The following DLGAP2 variants were observed in gnomAD, a reference collection of about 807,000 sequenced individuals.
DLGAP2 encodes disks large-associated protein 2.
A neutral mutation model predicts 100.3 loss-of-function variants in DLGAP2; 26 were observed. The ratio of observed to expected loss-of-function variants is 0.26; its 90% confidence interval spans 0.19 to 0.36. The LOEUF (loss-of-function observed/expected upper bound fraction) is 0.36. DLGAP2 is among the 10% of genes least tolerant of loss of function. The probability of loss-of-function intolerance (pLI) is 1.00; values close to 1 mark genes in which losing one functional copy is unlikely to be tolerated. For missense variants in DLGAP2, 1,858 were observed against 1,453.2 expected, an observed-to-expected ratio of 1.28 and a Z score of -4.53; for synonymous variants, 886 against 630.1, an observed-to-expected ratio of 1.41 and a Z score of -6.08.
intron 8 of DLGAP2, among the ~76,000 whole-genome samples, chr8:1,647,913 C>T (rs1333356246): frequency 6.6e-6 from 1 of 152,074 alleles, no homozygotes; most frequent in African/African-American, 2.4e-5. Context: ...GTGGAAAAAG[C>T]GTAAGGAAGT....
At chr8:1,125,151 G>A (rs1468899105) in intron 2 of DLGAP2, among the ~76,000 whole-genome samples, 3 of 152,138 alleles carry the variant, frequency 2.0e-5, no homozygotes, top group South Asian at 2.1e-4. Flanking sequence ...ATATTTCCCC[G>A]CTAGGATGCA....
At chr8:1,190,934 C>G (rs896483926) in intron 2 of DLGAP2, among the ~76,000 whole-genome samples, 1 of 152,118 alleles carries the variant, frequency 6.6e-6, no homozygotes, top group Non-Finnish European at 1.5e-5. Context: ...GGAAGCCGTC[C>G]CATGGTGCGA....
At chr8:1,256,390 GGT>G (rs1799217726) in intron 2 of DLGAP2, among the ~76,000 whole-genome samples, 1 of 146,110 alleles carries the variant, frequency 6.8e-6, no homozygotes, top group African/African-American at 2.6e-5. Flanking sequence ...ATCCTGCCTG[GGT>G]GCTGTGTGTG....
intron 6 of DLGAP2, among the ~76,000 whole-genome samples, chr8:1,599,506 A>C (rs1017610170): frequency 6.6e-6 from 1 of 152,122 alleles, no homozygotes; most frequent in Non-Finnish European, 1.5e-5. Context: ...GTCTCTTTGT[A>C]GGTCTCTAAG....
intron 2 of DLGAP2, among the ~76,000 whole-genome samples, chr8:1,202,895 G>A (rs962098067): frequency 6.6e-6 from 1 of 152,192 alleles, no homozygotes; most frequent in East Asian, 1.9e-4. Context: ...GACCAGCCAC[G>A]CCTCTTCAAG....
At chr8:1,356,280 C>T (rs1232327477) in intron 3 of DLGAP2, among the ~76,000 whole-genome samples, 1 of 152,236 alleles carries the variant, frequency 6.6e-6, no homozygotes, top group African/African-American at 2.4e-5. Context: ...GTCAGCTGTC[C>T]TCTGGTTTTG....
chr8:1,645,097 G>A (rs764000183), intron 8 of DLGAP2, among the ~76,000 whole-genome samples: 5 of 152,182 alleles, frequency 3.3e-5, no homozygotes, highest in African/African-American at 4.8e-5. Flanking sequence ...TGTCTCTAAT[G>A]AATGAATCAA....
chr8:1,017,972 A>G (rs1056395783), intron 2 of DLGAP2, among the ~76,000 whole-genome samples: 11 of 152,312 alleles, frequency 7.2e-5, no homozygotes, highest in African/African-American at 2.4e-4. Flanking sequence ...GTGGCAGAGA[A>G]CAAGTGTACC....
At chr8:1,376,564 TCTC>T (rs1206212974) in intron 3 of DLGAP2, among the ~76,000 whole-genome samples, 1 of 152,034 alleles carries the variant, frequency 6.6e-6, no homozygotes, top group African/African-American at 2.4e-5. Flanking sequence ...CAGAAGCTGC[TCTC>T]CTCCTGCTGA....
At chr8:833,499 C>T (rs1307749254) in intron 1 of DLGAP2, among the ~76,000 whole-genome samples, 5 of 152,142 alleles carry the variant, frequency 3.3e-5, no homozygotes, top group African/African-American at 1.2e-4. Context: ...ATCTGCAAAG[C>T]CAGCAGCAGA....
chr8:1,180,892 T>A (rs1457284979), intron 2 of DLGAP2, among the ~76,000 whole-genome samples: 1 of 137,128 alleles, frequency 7.3e-6, no homozygotes, highest in African/African-American at 2.8e-5. Flanking sequence ...GTAAGGGCAG[T>A]ACACTTACTG....
At chr8:996,561 G>C (rs879715114) in intron 2 of DLGAP2, among the ~76,000 whole-genome samples, 1 of 152,198 alleles carries the variant, frequency 6.6e-6, no homozygotes, top group African/African-American at 2.4e-5. Context: ...GAGTGAGGCT[G>C]TTTGTTCTCA....
chr8:1,515,724 A>G (rs141800290), intron 4 of DLGAP2, among the ~76,000 whole-genome samples: 2 of 152,122 alleles, frequency 1.3e-5, no homozygotes. Flanking sequence ...ACATGCACAG[A>G]TAGGCACACT....
chr8:794,026 T>A (rs1243906836), intron 1 of DLGAP2, among the ~76,000 whole-genome samples: 1 of 151,914 alleles, frequency 6.6e-6, no homozygotes, highest in Non-Finnish European at 1.5e-5. Context: ...AGCTGCAGGA[T>A]GGGGTCCCTG....
chr8:1,498,393 T>C (rs1799612946), intron 3 of DLGAP2, among the ~76,000 whole-genome samples: 1 of 151,734 alleles, frequency 6.6e-6, no homozygotes, highest in African/African-American at 2.4e-5. Context: ...AAAAAAAAAA[T>C]TACACATTCG....
intron 4 of DLGAP2, among the ~76,000 whole-genome samples, chr8:1,535,992 A>G (rs977838590): frequency 6.6e-6 from 1 of 152,208 alleles, no homozygotes; most frequent in Non-Finnish European, 1.5e-5. Context: ...CTCACCTGAG[A>G]GTCTAGTGTG....
chr8:944,419 C>T (rs1432847246), intron 2 of DLGAP2, among the ~76,000 whole-genome samples: 1 of 151,736 alleles, frequency 6.6e-6, no homozygotes. Context: ...GGTAATTGAT[C>T]CCTGTGGATG....
intron 3 of DLGAP2, among the ~76,000 whole-genome samples, chr8:1,360,495 A>T (rs2129654287): frequency 6.6e-6 from 1 of 152,170 alleles, no homozygotes; most frequent in South Asian, 2.1e-4. Flanking sequence ...CTGCATGCGG[A>T]CGTGGCTCAG....
intron 3 of DLGAP2, among the ~76,000 whole-genome samples, chr8:1,417,021 G>T (rs898774913): frequency 8.1e-6 from 1 of 122,946 alleles, no homozygotes; most frequent in South Asian, 2.6e-4. Context: ...TCACTCCTCC[G>T]AGCAGCCGTC....
Sources: allele counts gnomAD v4.1 joint callset (sites outside exome capture counted in the v4.1 genomes callset), GRCh38; gene constraint gnomAD v4.1.1; transcripts MANE v1.5; gene names NCBI Gene and HGNC (gene_info 2026-07-23, HGNC 2026-07-21).